Variants in ATP9B observed in about 807,000 individuals in gnomAD.
ATP9B encodes probable phospholipid-transporting ATPase IIB.
A neutral mutation model predicts 146.1 loss-of-function variants in ATP9B; 110 were observed. The observed-to-expected ratio is 0.75, with a 90% CI of 0.65 to 0.88. The LOEUF (loss-of-function observed/expected upper bound fraction) is 0.88. Ranked by LOEUF, ATP9B falls within the 40% of genes least tolerant of loss-of-function variation. The pLI, the probability that ATP9B is intolerant of heterozygous loss-of-function variation, is 0.00. For synonymous variants in ATP9B, 604 were observed against 569.7 expected (o/e 1.06, Z -0.86); for missense variants, 1,499 against 1,496.4 (o/e 1.00, Z -0.03).
intron 9 of ATP9B, 73 bp downstream of exon 9, chr18:79,193,336 A>G: frequency 1.7e-6 from 2 of 1,206,902 alleles, no homozygotes; most frequent in South Asian, 2.6e-5. Context: ...TTGAGACAGT[A>G]ATTCAATCAA....
chr18:79,177,504 A>C (rs2147955303), intron 8 of ATP9B, among the ~76,000 whole-genome samples: 1 of 152,094 alleles, frequency 6.6e-6, no homozygotes, highest in African/African-American at 2.4e-5. Context: ...TGGTCTTTCA[A>C]AGTGCTGGGA....
chr18:79,190,543 C>CACACACAT (rs774608657), intron 8 of ATP9B, among the ~76,000 whole-genome samples: 1 of 144,364 alleles, frequency 6.9e-6, no homozygotes, highest in Admixed American at 6.9e-5. Flanking sequence ...CACACACACA[C>CACACACAT]ACATATACAT....
chr18:79,108,228 A>C (rs2075782741), intron 2 of ATP9B, among the ~76,000 whole-genome samples: 1 of 152,174 alleles, frequency 6.6e-6, no homozygotes, highest in South Asian at 2.1e-4. Flanking sequence ...AGTGTTCGAG[A>C]TGGACAGTAC....
At chr18:79,310,085 G>C (rs528006649) in intron 15 of ATP9B, among the ~76,000 whole-genome samples, 1 of 152,306 alleles carries the variant, frequency 6.6e-6, no homozygotes, top group South Asian at 2.1e-4. Flanking sequence ...CAGACAGGGA[G>C]GCATGTGGAG....
intron 9 of ATP9B, among the ~76,000 whole-genome samples, chr18:79,200,789 G>GGAGGTGGGGACTGTCGGGGTCAGAGCA (rs2095478075): frequency 1.3e-5 from 1 of 79,120 alleles, no homozygotes. Context: ...AAGTAGTGGT[G>GGAGGTGGGGACTGTCGGGGTCAGAGCA]GAATTGTTTT....
At chr18:79,302,335 A>AC (rs1186332823) in intron 13 of ATP9B, among the ~76,000 whole-genome samples, 2 of 143,726 alleles carry the variant, frequency 1.4e-5, no homozygotes, top group African/African-American at 2.6e-5. Flanking sequence ...AAGTGCACAC[A>AC]CCCCCCGGGG....
intron 4 of ATP9B, among the ~76,000 whole-genome samples, chr18:79,121,968 A>G (rs531084261): frequency 1.3e-5 from 2 of 152,272 alleles, no homozygotes; most frequent in African/African-American, 2.4e-5. Context: ...TGATTACTCA[A>G]TGAATTTGGT....
chr18:79,120,461 CT>C (rs2094169420), intron 4 of ATP9B, among the ~76,000 whole-genome samples: 1 of 152,042 alleles, frequency 6.6e-6, no homozygotes, highest in African/African-American at 2.4e-5. Flanking sequence ...TTTTCAGTTG[CT>C]TTTGGTAATA....
At chr18:79,103,515 T>C (rs2075438252) in intron 2 of ATP9B, among the ~76,000 whole-genome samples, 1 of 152,070 alleles carries the variant, frequency 6.6e-6, no homozygotes, top group Non-Finnish European at 1.5e-5. Flanking sequence ...AAAGAGGATG[T>C]ATTGGAAAGG....
Position 79,337,416 on chromosome 18 carries a change from C to T in ATP9B, c.2250C>T (p.Pro750=). 3 of 1,613,204 alleles carry T rather than the reference C, an allele frequency of 1.9e-6. No individual in the cohort carries two copies. Among genetic ancestry groups the T allele is most frequent in the East Asian group, 2.2e-5 (1 of 44,886 alleles). The change falls in exon 19 of 30, where the codon CCC becomes CCT. Residue 750 remains proline (P), a synonymous_variant. Transcript: ENST00000426216. ...VEDQLQADVR[P]TLEMLRNAGI... ...ACCAGCTGCAGGCAGACGTGCGGCC[C>T]ACGCTGGAGATGCTGCGCAACGCCG... is the stretch of plus-strand genomic sequence containing the variant.
At position 79,069,474 on chromosome 18, in the gene ATP9B, C is replaced by T; in HGVS notation, c.64C>T (p.Arg22Cys). The T allele has an allele frequency of 6.7e-7, 1 of 1,503,692 alleles. No homozygotes were observed. Among genetic ancestry groups the T allele is most frequent in the Non-Finnish European group, 8.9e-7 (1 of 1,129,008 alleles). The allele number at this position is 1,503,692 out of a possible 1,614,324, so 93.1% of individuals were successfully genotyped here. A position where few individuals can be genotyped will look rare whatever the true frequency, so the allele number is the denominator to read the frequency against. The change falls in exon 1 of 30, where the codon CGC (arginine) becomes TGC (cysteine). Residue 22 changes from arginine to cysteine, a missense_variant. Arg to Cys is a radical substitution (Grantham distance 180). Transcript: ENST00000426216. Reference protein sequence around the residue: ...SAAAAAANRKRAAYYSAAGPR... With the variant: ...SAAAAAANRKCAAYYSAAGPR... Reference sequence around the variant, plus strand: ...AGCGGCGGCCGCAGCCAACCGCAAACGCGCGGCCTACTACAGCGCCGCGGG... The same window carrying T: ...AGCGGCGGCCGCAGCCAACCGCAAATGCGCGGCCTACTACAGCGCCGCGGG...
chr18:79,124,598 C>G (rs1051176228), intron 4 of ATP9B, among the ~76,000 whole-genome samples: 2 of 152,200 alleles, frequency 1.3e-5, no homozygotes, highest in Non-Finnish European at 2.9e-5. Context: ...AATACACTGG[C>G]AAAGATCAGA....
intron 6 of ATP9B, among the ~76,000 whole-genome samples, chr18:79,149,034 A>G (rs1471702045): frequency 1.1e-5 from 1 of 92,180 alleles, no homozygotes; most frequent in Non-Finnish European, 1.9e-5. Context: ...AGAAAACATA[A>G]GTAAATAGAC....
chr18:79,117,611 A>C (rs963710656), intron 4 of ATP9B: 2 of 152,208 alleles, frequency 1.3e-5, no homozygotes, highest in Non-Finnish European at 2.9e-5. Context: ...AGGAGGTCAG[A>C]GGGCCTGGCG....
chr18:79,302,595 T>G (rs2096598220), intron 13 of ATP9B, among the ~76,000 whole-genome samples: 1 of 152,248 alleles, frequency 6.6e-6, no homozygotes, highest in Non-Finnish European at 1.5e-5. Context: ...TGTGTATTTT[T>G]AGGTTAAATG....
At chr18:79,353,187 C>T (rs1427482220) in intron 25 of ATP9B, 2 of 152,260 alleles carry the variant, frequency 1.3e-5, no homozygotes, top group Non-Finnish European at 2.9e-5. Flanking sequence ...GGTCCAGCCA[C>T]TCCAGAAAGC....
At chr18:79,076,699 T>C (rs1341799561) in intron 1 of ATP9B, among the ~76,000 whole-genome samples, 2 of 152,310 alleles carry the variant, frequency 1.3e-5, no homozygotes, top group South Asian at 2.1e-4. Flanking sequence ...GTGTCTTTTG[T>C]CAAATCTGAG....
At chr18:79,312,397 C>G (rs1353201590) in intron 15 of ATP9B, among the ~76,000 whole-genome samples, 1 of 152,248 alleles carries the variant, frequency 6.6e-6, no homozygotes, top group Non-Finnish European at 1.5e-5. Context: ...GAGCTGCATC[C>G]TGGCACTCGC....
At chr18:79,164,286 C>G (rs147579694) in intron 7 of ATP9B, among the ~76,000 whole-genome samples, 62 of 152,206 alleles carry the variant, frequency 4.1e-4, no homozygotes, top group African/African-American at 1.4e-3. Context: ...TAATTGATAA[C>G]GCCAATAACT....
Sources: gnomAD v4.1 joint callset for allele counts (sites outside exome capture counted in the v4.1 genomes callset) on GRCh38, gnomAD v4.1.1 for gene constraint, MANE v1.5 for transcripts, NCBI Gene and HGNC (gene_info 2026-07-23, HGNC 2026-07-21) for gene names.